PALS2: variants seen among roughly 807,000 people sequenced by gnomAD.
PALS2 encodes the protein protein associated with LIN7 2, MAGUK p55 family member.
A neutral mutation model predicts 61.6 loss-of-function variants in PALS2; 27 were observed. That is an observed-to-expected ratio of 0.44 (90% CI 0.32 to 0.60). PALS2 has a LOEUF of 0.60. Ranked by LOEUF, PALS2 falls within the 20% of genes least tolerant of loss-of-function variation. The probability of loss-of-function intolerance (pLI) is 0.05; values close to 1 mark genes in which losing one functional copy is unlikely to be tolerated. For synonymous variants in PALS2, 236 were observed against 218.6 expected (o/e 1.08, Z -0.70); for missense variants, 554 against 639.4 (o/e 0.87, Z 1.44).
At chr7:24,669,464 T>A (rs1787192326) in intron 9 of PALS2, among the ~76,000 whole-genome samples, 1 of 152,220 alleles carries the variant, frequency 6.6e-6, no homozygotes, top group African/African-American at 2.4e-5. Context: ...CTTGTGAACT[T>A]AGATGTTCTC....
At position 24,673,271 on chromosome 7, in the gene PALS2, G is replaced by A. The variant is rs115831310; in HGVS notation, c.1114+4611G>A. On this transcript the variant is annotated intron_variant, in intron 9 of 11. Transcript: ENST00000222644. ...AAATTCCATTTGGTTATGATGTGCCGTCTTTTTTTGTATACTTCTAGATTC... is the reference window on the plus strand; with the variant it reads ...AAATTCCATTTGGTTATGATGTGCCATCTTTTTTTGTATACTTCTAGATTC... Among the ~76,000 whole-genome samples the A allele has an allele frequency of 4.0e-3, 613 of 152,092 alleles. 1 individual carries two copies. The highest frequency in any genetic ancestry group is 6.1e-3 in the Non-Finnish European group (417 of 67,988).
At chr7:24,594,673 T>C (rs751508159) in intron 1 of PALS2, among the ~76,000 whole-genome samples, 2 of 152,082 alleles carry the variant, frequency 1.3e-5, no homozygotes, top group Non-Finnish European at 2.9e-5. Context: ...CTGTCTTATA[T>C]GGGGGTGATT....
chr7:24,587,401 A>G (rs985675635), intron 1 of PALS2, among the ~76,000 whole-genome samples: 4 of 152,066 alleles, frequency 2.6e-5, no homozygotes, highest in African/African-American at 9.7e-5. Context: ...ATTTTTTTAG[A>G]CAGCATATCC....
At chr7:24,638,682 A>G (rs1374468716) in intron 2 of PALS2, among the ~76,000 whole-genome samples, 1 of 152,124 alleles carries the variant, frequency 6.6e-6, no homozygotes, top group Non-Finnish European at 1.5e-5. Flanking sequence ...CCAAACTGTG[A>G]GGCTGATATG....
intron 11 of PALS2, among the ~76,000 whole-genome samples, chr7:24,683,781 T>C (rs1788056859): frequency 6.6e-6 from 1 of 152,234 alleles, no homozygotes; most frequent in Non-Finnish European, 1.5e-5. Context: ...TCTGTTTGTA[T>C]ATTTGAAGGA....
intron 1 of PALS2, among the ~76,000 whole-genome samples, chr7:24,587,178 T>A (rs1324802045): frequency 6.6e-6 from 1 of 152,108 alleles, no homozygotes; most frequent in Non-Finnish European, 1.5e-5. Flanking sequence ...TCGCTATTAA[T>A]TTGTCATTTA....
At chr7:24,619,285 T>G (rs1189250026) in intron 1 of PALS2, among the ~76,000 whole-genome samples, 1 of 152,210 alleles carries the variant, frequency 6.6e-6, no homozygotes, top group Non-Finnish European at 1.5e-5. Context: ...CTCTGGAGGC[T>G]CATGCTTTTG....
Position 24,623,200 on chromosome 7 carries a change from GTT to G in PALS2, c.-2-451_-2-450del, listed in dbSNP as rs375157787. 8.5e-3 allele frequency among the ~76,000 whole-genome samples: 1,092 copies of G among 128,274 alleles called. 31 individuals carry two copies. In the East Asian group the frequency reaches 0.1, roughly 12 times the overall value. The allele number at this position is 128,274 out of a possible 152,430, so 84.2% of individuals were successfully genotyped here. A position where few individuals can be genotyped will look rare whatever the true frequency, so the allele number is the denominator to read the frequency against. On this transcript the variant is annotated intron_variant, in intron 1 of 11. Transcript: ENST00000222644. ...GTTGGAAGGTGTTTCCTTCTCTTCC[GTT>G]TTTTTTTTTTTTTTGAAGGAGTTTG...
intron 1 of PALS2, among the ~76,000 whole-genome samples, chr7:24,578,468 A>G (rs1782720913): frequency 6.6e-6 from 1 of 152,216 alleles, no homozygotes; most frequent in African/African-American, 2.4e-5. Context: ...TATAAAGGGA[A>G]TTTATCGTTC....
At chr7:24,665,339 C>G (rs1562652164) in intron 6 of PALS2, among the ~76,000 whole-genome samples, 1 of 152,052 alleles carries the variant, frequency 6.6e-6, no homozygotes, top group East Asian at 1.9e-4. Context: ...GAAGTTTTAG[C>G]AATTTAATTT....
intron 1 of PALS2, among the ~76,000 whole-genome samples, chr7:24,602,676 T>C (rs1262524358): frequency 6.6e-6 from 1 of 152,178 alleles, no homozygotes; most frequent in Non-Finnish European, 1.5e-5. Flanking sequence ...GTACCTCTTA[T>C]CTTACTCTCT....
At chr7:24,589,678 C>G (rs1457233624) in intron 1 of PALS2, among the ~76,000 whole-genome samples, 2 of 152,048 alleles carry the variant, frequency 1.3e-5, no homozygotes, top group Non-Finnish European at 2.9e-5. Flanking sequence ...TCTCTCATCC[C>G]ATTACTTATT....
At chr7:24,684,733 A>G (rs1291622826) in intron 11 of PALS2, among the ~76,000 whole-genome samples, 1 of 152,148 alleles carries the variant, frequency 6.6e-6, no homozygotes, top group African/African-American at 2.4e-5. Flanking sequence ...ATTTTACATT[A>G]TTCTTCTTGG....
intron 3 of PALS2, among the ~76,000 whole-genome samples, chr7:24,643,415 C>T (rs561078645): frequency 1.1e-4 from 16 of 152,224 alleles, no homozygotes; most frequent in African/African-American, 3.9e-4. Context: ...CATATTCATC[C>T]ATATTTTTCT....
At chr7:24,671,301 C>T (rs1787283580) in intron 9 of PALS2, among the ~76,000 whole-genome samples, 1 of 152,176 alleles carries the variant, frequency 6.6e-6, no homozygotes, top group African/African-American at 2.4e-5. Context: ...TTTTCATGTA[C>T]ATATTTGCCA....
chr7:24,637,082 A>G (rs1031137398), intron 2 of PALS2, among the ~76,000 whole-genome samples: 2 of 152,148 alleles, frequency 1.3e-5, no homozygotes, highest in African/African-American at 4.8e-5. Flanking sequence ...AAAATTTAAC[A>G]GATTCCCTTT....
chr7:24,607,879 T>A (rs1449737941), intron 1 of PALS2, among the ~76,000 whole-genome samples: 1 of 152,098 alleles, frequency 6.6e-6, no homozygotes, highest in African/African-American at 2.4e-5. Flanking sequence ...ACAATTGCAT[T>A]CATGTAAATA....
intron 2 of PALS2, among the ~76,000 whole-genome samples, chr7:24,640,760 G>A (rs923003359): frequency 3.3e-5 from 5 of 152,120 alleles, no homozygotes; most frequent in Non-Finnish European, 5.9e-5. Flanking sequence ...TGTAATCCCA[G>A]CACTTTGGGA....
intron 1 of PALS2, among the ~76,000 whole-genome samples, chr7:24,616,959 A>T (rs899032213): frequency 6.6e-6 from 1 of 152,178 alleles, no homozygotes; most frequent in African/African-American, 2.4e-5. Flanking sequence ...ATTATCTCCC[A>T]AGACTTGGGA....
Sources: allele counts gnomAD v4.1 joint callset (sites outside exome capture counted in the v4.1 genomes callset), GRCh38; gene constraint gnomAD v4.1.1; transcripts MANE v1.5; gene names NCBI Gene and HGNC (gene_info 2026-07-23, HGNC 2026-07-21).